RBFOX3: variants seen among roughly 807,000 people sequenced by gnomAD.
The protein encoded by RBFOX3 is RNA binding fox-1 homolog 3.
Under a neutral mutation model 48.7 loss-of-function variants are expected in RBFOX3, and 17 were observed. The observed-to-expected ratio is 0.35, with a 90% confidence interval of 0.24 to 0.52. The LOEUF (loss-of-function observed/expected upper bound fraction) is 0.52, where lower values mean the gene tolerates loss of function less well. Among genes scored for constraint, RBFOX3 ranks in the 20% least tolerant of loss-of-function variants. The pLI is 0.94. For synonymous variants in RBFOX3, 212 were observed against 209.5 expected (o/e 1.01, Z -0.10); for missense variants, 382 against 497.5 (o/e 0.77, Z 2.21).
chr17:79,257,027 C>G (rs902010684), intron 3 of RBFOX3, among the ~76,000 whole-genome samples: 2 of 152,128 alleles, frequency 1.3e-5, no homozygotes, highest in Non-Finnish European at 2.9e-5. Flanking sequence ...AACTGGTGGA[C>G]TCCTGCTGTC....
At chr17:79,132,335 G>A (rs2039125149) in intron 4 of RBFOX3, among the ~76,000 whole-genome samples, 1 of 152,178 alleles carries the variant, frequency 6.6e-6, no homozygotes, top group South Asian at 2.1e-4. Flanking sequence ...AAGCAAAGGA[G>A]CTGAGCGACG....
intron 4 of RBFOX3, among the ~76,000 whole-genome samples, chr17:79,216,112 C>G (rs1372257650): frequency 1.3e-5 from 2 of 152,240 alleles, no homozygotes; most frequent in Non-Finnish European, 2.9e-5. Context: ...AGCTGGAGAC[C>G]AGGTTCTGGT....
intron 2 of RBFOX3, among the ~76,000 whole-genome samples, chr17:79,310,601 G>A (rs760259435): frequency 1.3e-4 from 20 of 151,940 alleles, no homozygotes; most frequent in Non-Finnish European, 2.8e-4. Flanking sequence ...CTGTCCTGTC[G>A]GCGAGGTGGA....
At chr17:79,396,546 C>A (rs992157043) in intron 2 of RBFOX3, among the ~76,000 whole-genome samples, 1 of 152,084 alleles carries the variant, frequency 6.6e-6, no homozygotes, top group African/African-American at 2.4e-5. Flanking sequence ...TATTCTGACT[C>A]CCCCTGAGAC....
chr17:79,473,826 GCACACACACACACTCA>G lies in RBFOX3; in HGVS notation c.-175+8612_-175+8627del, dbSNP rs2149398506. ...CTCCATTTTTCTCCTCCTCCTAAAA[GCACACACACACACTCA>G]CACACACACACACGCAGAACTAAAG... On this transcript the variant is annotated intron_variant, in intron 2 of 14. Coordinates refer to ENST00000693108, the MANE Select transcript of RBFOX3 (RefSeq NM_001350451.2). The surrounding 1 kb of genome is among the most constrained non-coding windows in gnomAD (Gnocchi z 4.2). 6.6e-6 allele frequency among the ~76,000 whole-genome samples: 1 copy of G among 151,694 alleles called. No individual in the cohort carries two copies. The highest frequency in any genetic ancestry group is 2.1e-4 in the South Asian group (1 of 4,792).
At chr17:79,574,766 C>T (rs1428970794) in intron 1 of RBFOX3, among the ~76,000 whole-genome samples, 1 of 152,208 alleles carries the variant, frequency 6.6e-6, no homozygotes, top group East Asian at 1.9e-4. Flanking sequence ...TTCACAGGTT[C>T]GCTGAGTGAG....
chr17:79,467,841 C>A (rs2076517787), intron 2 of RBFOX3, among the ~76,000 whole-genome samples: 1 of 152,002 alleles, frequency 6.6e-6, no homozygotes, highest in Non-Finnish European at 1.5e-5. Context: ...TTGAGCAAGG[C>A]CTCCGGGAAG....
intron 3 of RBFOX3, among the ~76,000 whole-genome samples, chr17:79,304,957 G>A (rs74256182): frequency 0.041 from 6,258 of 152,150 alleles, 292 homozygotes; most frequent in East Asian, 0.22. Flanking sequence ...CCCTCCCACC[G>A]CGTCTCACAC....
chr17:79,107,695 G>T (rs1006587982), intron 5 of RBFOX3, among the ~76,000 whole-genome samples: 2 of 152,222 alleles, frequency 1.3e-5, no homozygotes, highest in Non-Finnish European at 2.9e-5. Context: ...TGTCCGAGGT[G>T]GCCATTAGCT....
intron 2 of RBFOX3, among the ~76,000 whole-genome samples, chr17:79,349,161 G>A (rs1218442803): frequency 6.6e-6 from 1 of 151,926 alleles, no homozygotes; most frequent in Non-Finnish European, 1.5e-5. Context: ...CCCCAACCAT[G>A]CAAGTTTCCT....
At chr17:79,172,216 AC>A (rs1357612399) in intron 4 of RBFOX3, among the ~76,000 whole-genome samples, 1 of 151,842 alleles carries the variant, frequency 6.6e-6, no homozygotes, top group African/African-American at 2.4e-5. Context: ...AAAAACGCCA[AC>A]CTTTTATTTT....
At chr17:79,442,357 G>C (rs1428012563) in intron 2 of RBFOX3, among the ~76,000 whole-genome samples, 1 of 30,918 alleles carries the variant, frequency 3.2e-5, no homozygotes, top group East Asian at 1.6e-3. Flanking sequence ...GGGAGGAAGA[G>C]GGGGGGAGAG....
intron 4 of RBFOX3, among the ~76,000 whole-genome samples, chr17:79,166,637 C>T (rs1340183918): frequency 6.6e-6 from 1 of 151,788 alleles, no homozygotes; most frequent in Non-Finnish European, 1.5e-5. Flanking sequence ...ATGCACAGGT[C>T]GGAATGTAGG....
intron 1 of RBFOX3, among the ~76,000 whole-genome samples, chr17:79,560,762 A>C (rs1442668922): frequency 6.6e-6 from 1 of 152,166 alleles, no homozygotes. Flanking sequence ...CAGCACGGCC[A>C]GCGCGAGAGC....
intron 1 of RBFOX3, among the ~76,000 whole-genome samples, chr17:79,606,693 G>A (rs2093838335): frequency 1.3e-5 from 2 of 152,164 alleles, no homozygotes; most frequent in Admixed American, 6.5e-5. Flanking sequence ...CTTGAAGGGA[G>A]GTGACTCGTC....
At chr17:79,660,452 G>GA in the RBFOX3 span, among the ~76,000 whole-genome samples, 1 of 152,068 alleles carries the variant, frequency 6.6e-6, no homozygotes, top group Admixed American at 6.5e-5. Context: ...ACATTTACAA[G>GA]AAAAAATCAA....
intron 4 of RBFOX3, chr17:79,234,678 T>G (rs2061420062): frequency 6.6e-6 from 1 of 151,776 alleles, no homozygotes. Context: ...GACTTTGAAT[T>G]TTTCAACTTT....
chr17:79,350,126 G>A (rs530788045), intron 2 of RBFOX3, among the ~76,000 whole-genome samples: 1 of 152,210 alleles, frequency 6.6e-6, no homozygotes, highest in African/African-American at 2.4e-5. Context: ...GGGGAGGAGA[G>A]CGCCCAGGAT....
rs958363557 is a variant in RBFOX3 at position 79,432,220 on chromosome 17, C to T, written c.-175+50234G>A. Among the ~76,000 whole-genome samples the T allele has an allele frequency of 2.0e-5, 3 of 152,360 alleles. No homozygotes were observed. In the South Asian group the frequency reaches 6.2e-4, roughly 32 times the overall value. The stretch of plus-strand genomic sequence containing the variant: ...TCTGTGGCTGGACGCTTGGGTTTTC[C>T]ACCTCTTGGCTCTTGTGAATAACGC... On this transcript the variant is annotated intron_variant, in intron 2 of 14. Transcript: ENST00000693108.
Sources: gnomAD v4.1 joint callset for allele counts (sites outside exome capture counted in the v4.1 genomes callset) on GRCh38, gnomAD v4.1.1 for gene constraint, Gnocchi (gnomAD v3.1) non-coding constraint, MANE v1.5 for transcripts, NCBI Gene and HGNC (gene_info 2026-07-23, HGNC 2026-07-21) for gene names.